Variants in RASAL1 observed in about 807,000 individuals in gnomAD.
RASAL1 encodes RAS protein activator like 1.
RASAL1 carries 72 observed loss-of-function variants against 96.6 expected under a neutral mutation model. The observed-to-expected ratio is 0.75, with a 90% confidence interval of 0.62 to 0.91. The LOEUF is 0.91. Ranked by LOEUF, RASAL1 falls within the 40% of genes least tolerant of loss-of-function variation. The probability of loss-of-function intolerance (pLI) is 0.00; values close to 1 mark genes in which losing one functional copy is unlikely to be tolerated. For synonymous variants in RASAL1, 405 were observed against 430.4 expected (o/e 0.94, Z 0.73); for missense variants, 1,016 against 1,072.5 (o/e 0.95, Z 0.74).
chr12:113,099,814 C>T lies in RASAL1; in HGVS notation c.*115G>A. On this transcript the variant is annotated 3_prime_UTR_variant, in exon 21 of 21. Transcript: ENST00000548055. ...ACAGGACTAGGCACGTCTCTGGGAG[C>T]CTCCAAACCACAGAATCAAAGAGGT... 1 of 1,430,212 alleles carries T rather than the reference C, an allele frequency of 7.0e-7. No individual in the cohort carries two copies. The allele number at this position is 1,430,212 out of a possible 1,614,324, so 88.6% of individuals were successfully genotyped here.
intron 12 of RASAL1, among the ~76,000 whole-genome samples, chr12:113,114,423 G>C (rs1341104939): frequency 6.7e-6 from 1 of 149,618 alleles, no homozygotes; most frequent in East Asian, 2.0e-4. Flanking sequence ...GCAGTGAGCT[G>C]TGGTCACACC....
At chr12:113,132,123 C>G (rs1951737883) in intron 1 of RASAL1, among the ~76,000 whole-genome samples, 1 of 152,010 alleles carries the variant, frequency 6.6e-6, no homozygotes, top group South Asian at 2.1e-4. Context: ...AGGCACACAC[C>G]ACCACACCTG....
chr12:113,127,904 G>A, intron 3 of RASAL1, 31 bp from the exon 4 acceptor site: 1 of 1,610,090 alleles, frequency 6.2e-7, no homozygotes, highest in Non-Finnish European at 8.5e-7. Context: ...GAAGGTCTGA[G>A]TCAGGGGCCC....
At position 113,115,074 on chromosome 12, in the gene RASAL1, C is replaced by T. The variant is rs563732047; in HGVS notation, c.1068+126G>A. 3.4e-6 allele frequency: 4 copies of T among 1,178,402 alleles called. No homozygotes were observed. The South Asian group carries it at 5.1e-5, about 15-fold the overall frequency. The allele number at this position is 1,178,402 out of a possible 1,614,324, so 73.0% of individuals were successfully genotyped here. ...AACTCAGGGCAAGGCCGGGCACCAG[C>T]CGCCAGCACTGCAGCTCGGCTGCTC... is the stretch of plus-strand genomic sequence containing the variant. On this transcript the variant is annotated intron_variant, in intron 11 of 20. Coordinates refer to ENST00000548055, the MANE Select transcript of RASAL1 (RefSeq NM_001301202.2). The surrounding 1 kb of genome is among the most constrained non-coding windows in gnomAD (Gnocchi z 4.1).
chr12:113,127,004 T>C (rs1033697310), intron 4 of RASAL1, among the ~76,000 whole-genome samples: 1 of 148,546 alleles, frequency 6.7e-6, no homozygotes, highest in African/African-American at 2.4e-5. Flanking sequence ...AAATATGTTA[T>C]ATGTTTATAT....
chr12:113,110,946 C>A (rs1467029335), intron 13 of RASAL1, among the ~76,000 whole-genome samples: 2 of 152,138 alleles, frequency 1.3e-5, no homozygotes, highest in Admixed American at 1.3e-4. Flanking sequence ...AAATAAATAA[C>A]CTCACATAAA....
intron 4 of RASAL1, among the ~76,000 whole-genome samples, chr12:113,122,631 A>G (rs920359781): frequency 6.6e-6 from 1 of 151,242 alleles, no homozygotes; most frequent in East Asian, 1.9e-4. Flanking sequence ...AGGCTTTTCT[A>G]TCTATTATAA....
intron 4 of RASAL1, among the ~76,000 whole-genome samples, chr12:113,127,385 C>T (rs1327955678): frequency 1.3e-5 from 2 of 152,186 alleles, no homozygotes; most frequent in African/African-American, 4.8e-5. Context: ...GTGGCTCACA[C>T]TTGTACTCCC....
chr12:113,119,554 G>C (rs1478032425), intron 5 of RASAL1, 111 bp from the exon 6 acceptor site: 49 of 1,059,624 alleles, frequency 4.6e-5, no homozygotes, highest in Non-Finnish European at 5.6e-5. Flanking sequence ...GCAACAAACT[G>C]TTCCATGTAG....
Position 113,121,646 on chromosome 12 carries a change from G to A in RASAL1, c.299-8C>T. On this transcript the variant is annotated splice_region_variant and splice_polypyrimidine_tract_variant and intron_variant, in intron 4 of 20. Coordinates refer to ENST00000548055, the MANE Select transcript of RASAL1 (RefSeq NM_001301202.2). Reference sequence around the variant, plus strand: ...TAATCCAGCTGTCAATCCCTGAAGGGCACAGGCACTAACATTTATGAAGCG... The same window carrying A: ...TAATCCAGCTGTCAATCCCTGAAGGACACAGGCACTAACATTTATGAAGCG... 1 of 1,614,178 alleles carries A rather than the reference G, an allele frequency of 6.2e-7. No individual in the cohort carries two copies. The highest frequency in any genetic ancestry group is 8.5e-7 in the Non-Finnish European group (1 of 1,180,018).
rs757509234 is a variant in RASAL1 at position 113,104,240 on chromosome 12, G to T, written c.1889C>A (p.Ala630Asp). Residue 630 changes from alanine to aspartate, a missense_variant, in exon 17 of 21, where the codon GCC becomes GAC. Coordinates refer to ENST00000548055, the MANE Select transcript of RASAL1 (RefSeq NM_001301202.2). ...IRAVERVDEG[A>D]FQLPHVMQVV... ...CTGCATCACGTGGGGCAGTTGGAAG[G>T]CGCCCTCGTCTACGCGCTCCACGGC... 6.2e-7 allele frequency: 1 copy of T among 1,602,832 alleles called. No individual in the cohort carries two copies. Among genetic ancestry groups the T allele is most frequent in the South Asian group, 1.1e-5 (1 of 89,298 alleles).
intron 16 of RASAL1, 86 bp downstream of exon 16, chr12:113,105,628 G>T (rs1180149283): frequency 6.4e-6 from 9 of 1,395,482 alleles, no homozygotes; most frequent in Admixed American, 2.3e-5. Flanking sequence ...CCCACTGTGG[G>T]CCTCAGTTTC....
In RASAL1 at chr12:113,099,841, C is replaced by T. The variant is rs1950377406; in HGVS notation, c.*88G>A. 6.6e-7 allele frequency: 1 copy of T among 1,515,322 alleles called. No homozygotes were observed. Among genetic ancestry groups the T allele is most frequent in the Non-Finnish European group, 8.9e-7 (1 of 1,125,140 alleles). The allele number at this position is 1,515,322 out of a possible 1,614,324, so 93.9% of individuals were successfully genotyped here. The stretch of plus-strand genomic sequence containing the variant: ...TCCAAACCACAGAATCAAAGAGGTC[C>T]AAGGAGACAGGAGACTCCCGGGGCA... On this transcript the variant is annotated 3_prime_UTR_variant, in exon 21 of 21. Coordinates refer to ENST00000548055, the MANE Select transcript of RASAL1 (RefSeq NM_001301202.2).
intron 2 of RASAL1, 33 bp from the exon 3 acceptor site, chr12:113,128,211 C>T (rs746136245): frequency 1.9e-5 from 27 of 1,453,368 alleles, no homozygotes; most frequent in African/African-American, 1.1e-4. Context: ...CTGGGGTCCT[C>T]GGGCCACACA....
rs547037890 is a variant in RASAL1, at chr12:113,115,321, C to G, written c.1004-57G>C. The G allele has an allele frequency of 6.8e-7, 1 of 1,479,974 alleles. No individual in the cohort carries two copies. The highest frequency in any genetic ancestry group is 1.1e-5 in the South Asian group (1 of 88,216). 91.7% of individuals were successfully genotyped at this position (1,479,974 alleles called of 1,614,324 possible). A position where few individuals can be genotyped will look rare whatever the true frequency, so the allele number is the denominator to read the frequency against. On this transcript the variant is annotated intron_variant, in intron 10 of 20. Transcript: ENST00000548055. The surrounding 1 kb of genome is among the most constrained non-coding windows in gnomAD (Gnocchi z 4.1). The stretch of plus-strand genomic sequence containing the variant: ...TTTAGGGAGCTGAACCCAGCTCACC[C>G]CACTCACCCAAGGTGGGAGTCATGA...
chr12:113,115,243 C>A lies in RASAL1; in HGVS notation c.1025G>T (p.Arg342Leu), dbSNP rs185010862. Residue 342 changes from arginine (R) to leucine (L), a missense_variant, in exon 11 of 21, where the codon CGT (arginine) becomes CTT (leucine). By Grantham distance (102) the Arg-to-Leu change is moderately radical. Coordinates refer to ENST00000548055, the MANE Select transcript of RASAL1 (RefSeq NM_001301202.2). The surrounding 1 kb of genome is among the most constrained non-coding windows in gnomAD (Gnocchi z 4.1). Reference sequence around the variant, plus strand: ...CGACTTGGATGCCAGGGAGTTAGAACGGAAGAGGGTGTTGGGGTCCACTGG... The same window carrying A: ...CGACTTGGATGCCAGGGAGTTAGAAAGGAAGAGGGTGTTGGGGTCCACTGG... Reference protein sequence around the residue: ...ARTMDPNTLFRSNSLASKSME... With the variant: ...ARTMDPNTLFLSNSLASKSME... 3 of 1,613,898 alleles carry A rather than the reference C, an allele frequency of 1.9e-6. No individual in the cohort carries two copies. The highest frequency in any genetic ancestry group is 2.5e-6 in the Non-Finnish European group (3 of 1,179,784).
chr12:113,123,910 AG>A (rs1951390320), intron 4 of RASAL1, among the ~76,000 whole-genome samples: 1 of 152,036 alleles, frequency 6.6e-6, no homozygotes, highest in South Asian at 2.1e-4. Flanking sequence ...AAAAATACTG[AG>A]GGATTTCCCG....
At chr12:113,106,550 C>T (rs1399980749) in intron 15 of RASAL1, among the ~76,000 whole-genome samples, 1 of 152,164 alleles carries the variant, frequency 6.6e-6, no homozygotes, top group African/African-American at 2.4e-5. Flanking sequence ...CTGTGTCCTA[C>T]CTCAGGGCCC....
chr12:113,127,108 C>T (rs946873129), intron 4 of RASAL1, among the ~76,000 whole-genome samples: 13 of 151,798 alleles, frequency 8.6e-5, no homozygotes, highest in African/African-American at 2.7e-4. Context: ...AGGCTGCTCA[C>T]GGACTCCTGG....
Sources: allele counts gnomAD v4.1 joint callset (sites outside exome capture counted in the v4.1 genomes callset), GRCh38; gene constraint gnomAD v4.1.1; non-coding constraint Gnocchi (gnomAD v3.1); transcripts MANE v1.5; gene names NCBI Gene and HGNC (gene_info 2026-07-23, HGNC 2026-07-21).